The following PTK2 variants were observed in gnomAD, a reference collection of about 807,000 sequenced individuals.
The protein encoded by PTK2 is focal adhesion kinase 1.
PTK2 carries 45 observed loss-of-function variants against 150.1 expected under a neutral mutation model. The ratio of observed to expected loss-of-function variants is 0.30; its 90% CI spans 0.24 to 0.38. PTK2 has a LOEUF of 0.38. Among genes scored for constraint, PTK2 ranks in the 10% least tolerant of loss-of-function variants. PTK2 has a pLI of 1.00. For synonymous variants in PTK2, 432 were observed against 449.2 expected, an observed-to-expected ratio of 0.96 and a Z score of 0.48; for missense variants, 919 against 1,307.3, an observed-to-expected ratio of 0.70 and a Z score of 4.58.
chr8:140,666,133 T>C lies in PTK2; in HGVS notation c.2866-1136A>G, dbSNP rs140934604. On this transcript the variant is annotated intron_variant, in intron 30 of 31. Coordinates refer to ENST00000522684, the Ensembl canonical transcript of PTK2. ...CAGGCAGATCACCTGAGGTCAGGAG[T>C]TTGAGACCAGCTTGGCCAACAGGGT... Among the ~76,000 whole-genome samples the C allele has an allele frequency of 2.6e-3, 392 of 151,608 alleles. 7 individuals carry two copies. In the East Asian group the frequency reaches 0.064, roughly 25 times the overall value.
intron 2 of PTK2, among the ~76,000 whole-genome samples, chr8:140,915,099 C>T (rs1324182297): frequency 6.8e-6 from 1 of 147,948 alleles, no homozygotes; most frequent in East Asian, 2.0e-4. Context: ...ATGAGCAGGA[C>T]AGATAGGATT....
chr8:140,734,447 T>C (rs1195750415), intron 22 of PTK2, among the ~76,000 whole-genome samples: 2 of 152,184 alleles, frequency 1.3e-5, no homozygotes, highest in Admixed American at 6.5e-5. Context: ...GCATTGGGGC[T>C]ACAGAAATCA....
chr8:140,669,340 T>TATATATATATATATATAC (rs1377363515), intron 29 of PTK2: 2 of 132,844 alleles, frequency 1.5e-5, no homozygotes, highest in African/African-American at 6.0e-5. Flanking sequence ...TATATATATA[T>TATATATATATATATATAC]ACACTTTTTA....
intron 4 of PTK2, among the ~76,000 whole-genome samples, chr8:140,873,317 G>A (rs2100143628): frequency 6.6e-6 from 1 of 152,182 alleles, no homozygotes; most frequent in South Asian, 2.1e-4. Flanking sequence ...GCCAACTGGA[G>A]GTAGAGTTTC....
At chr8:140,888,942 T>C (rs999296140) in intron 3 of PTK2, among the ~76,000 whole-genome samples, 1 of 152,188 alleles carries the variant, frequency 6.6e-6, no homozygotes, top group African/African-American at 2.4e-5. Flanking sequence ...AAGTTACATC[T>C]ACAAGGTTTT....
chr8:140,962,789 A>C (rs2100183813), intron 1 of PTK2, among the ~76,000 whole-genome samples: 1 of 151,300 alleles, frequency 6.6e-6, no homozygotes, highest in Admixed American at 6.6e-5. Context: ...AAAAAAAAAA[A>C]CCACAGAATG....
chr8:140,851,386 T>G (rs988762631), intron 5 of PTK2, among the ~76,000 whole-genome samples: 1 of 152,190 alleles, frequency 6.6e-6, no homozygotes, highest in Admixed American at 6.5e-5. Context: ...CGCCAGGATA[T>G]TATAGTGAAT....
chr8:140,875,396 T>C (rs972663432), intron 4 of PTK2, among the ~76,000 whole-genome samples: 8 of 152,146 alleles, frequency 5.3e-5, no homozygotes, highest in Non-Finnish European at 1.0e-4. Flanking sequence ...TGAGTATTTA[T>C]GGAAAGAACT....
At chr8:140,966,166 C>G (rs1278427783) in intron 1 of PTK2, among the ~76,000 whole-genome samples, 2 of 152,172 alleles carry the variant, frequency 1.3e-5, no homozygotes, top group Non-Finnish European at 2.9e-5. Flanking sequence ...CAGTTACTCC[C>G]CACATCTACT....
chr8:140,787,926 G>A (rs2100085924), intron 14 of PTK2, among the ~76,000 whole-genome samples: 1 of 152,176 alleles, frequency 6.6e-6, no homozygotes, highest in South Asian at 2.1e-4. Context: ...ATCCTTTGAT[G>A]CCCAGCAGTT....
chr8:140,819,184 C>T (rs1301045918), intron 8 of PTK2, among the ~76,000 whole-genome samples, 164 bp from the exon 9 acceptor site: 1 of 152,150 alleles, frequency 6.6e-6, no homozygotes, highest in Non-Finnish European at 1.5e-5. Flanking sequence ...TTTATCAAAG[C>T]TTTATTCTTT....
intron 13 of PTK2, among the ~76,000 whole-genome samples, chr8:140,792,117 T>C (rs1315153621): frequency 1.3e-5 from 2 of 152,224 alleles, no homozygotes; most frequent in Non-Finnish European, 2.9e-5. Flanking sequence ...CCTTACATGA[T>C]TGTCCCTTGC....
intron 12 of PTK2, among the ~76,000 whole-genome samples, chr8:140,796,546 A>G (rs1305745535): frequency 2.0e-5 from 3 of 152,222 alleles, no homozygotes; most frequent in Non-Finnish European, 4.4e-5. Context: ...GGAATCCATT[A>G]TTATATTTTT....
intron 23 of PTK2, among the ~76,000 whole-genome samples, chr8:140,709,556 C>A (rs2100035637): frequency 6.6e-6 from 1 of 152,162 alleles, no homozygotes; most frequent in Non-Finnish European, 1.5e-5. Context: ...GGTGCTTCAG[C>A]TCTCTGTGTC....
At chr8:140,887,501 G>C (rs2100152734) in intron 3 of PTK2, among the ~76,000 whole-genome samples, 1 of 152,144 alleles carries the variant, frequency 6.6e-6, no homozygotes. Context: ...ACTGAAGCAT[G>C]ATAAAGGCTC....
At chr8:140,774,008 A>G (rs2100077031) in intron 14 of PTK2, among the ~76,000 whole-genome samples, 1 of 151,944 alleles carries the variant, frequency 6.6e-6, no homozygotes, top group Non-Finnish European at 1.5e-5. Flanking sequence ...TTCCTTTCTC[A>G]CCAGTCCAAC....
At chr8:140,815,162 C>A (rs2100103967) in intron 10 of PTK2, among the ~76,000 whole-genome samples, 1 of 151,504 alleles carries the variant, frequency 6.6e-6, no homozygotes, top group Non-Finnish European at 1.5e-5. Context: ...CCTAAATGCC[C>A]ATCGATGGTA....
rs1306017575 is a variant in PTK2 at position 140,747,722 on chromosome 8, AG to A, written c.1418-863del. Among the ~76,000 whole-genome samples the A allele has an allele frequency of 6.9e-5, 4 of 58,086 alleles. No homozygotes were observed. The Admixed American group carries it at 7.8e-4, about 11-fold the overall frequency. 38.1% of individuals were successfully genotyped at this position (58,086 alleles called of 152,430 possible). On this transcript the variant is annotated intron_variant, in intron 17 of 31. Coordinates refer to ENST00000522684, the Ensembl canonical transcript of PTK2. ...GGAGGAGGAGGGGGAGGAAGGGAGG[AG>A]GGGGAGGAAGGAAGTAGGAGGAGGG...
chr8:140,769,636 G>C (rs2100074441), intron 14 of PTK2, 44 bp from the exon 16 acceptor site: 5 of 1,302,360 alleles, frequency 3.8e-6, no homozygotes, highest in Non-Finnish European at 4.1e-6. Context: ...GTAGGGAACA[G>C]AGGGAGGGAG....
Sources: gnomAD v4.1 joint callset for allele counts (sites outside exome capture counted in the v4.1 genomes callset) on GRCh38, gnomAD v4.1.1 for gene constraint, MANE v1.5 for transcripts, NCBI Gene and HGNC (gene_info 2026-07-23, HGNC 2026-07-21) for gene names.